NHSL3: variants seen among roughly 807,000 people sequenced by gnomAD.
NHSL3 encodes the protein NHS like 3.
chr1:32,747,397 A>T, the NHSL3 span, among the ~76,000 whole-genome samples: 155 of 149,960 alleles, frequency 1.0e-3, 1 homozygote, highest in East Asian at 0.028. Context: ...CTGGTCTCGA[A>T]CTCCTGACCT....
the NHSL3 span, among the ~76,000 whole-genome samples, chr1:32,754,542 A>G: frequency 6.6e-6 from 1 of 151,896 alleles, no homozygotes. Context: ...ACACAGCCAC[A>G]CGAACTACAC....
At chr1:32,772,190 G>A in the NHSL3 span, 24 of 1,613,174 alleles carry the variant, frequency 1.5e-5, no homozygotes, top group Non-Finnish European at 1.9e-5. Flanking sequence ...GCAGAACTCC[G>A]GAGCATCTCA....
the NHSL3 span, among the ~76,000 whole-genome samples, chr1:32,763,763 A>G: frequency 2.6e-5 from 4 of 151,990 alleles, no homozygotes; most frequent in Non-Finnish European, 4.4e-5. Flanking sequence ...TAGTAGAGAC[A>G]GGGTTTCACC....
At chr1:32,753,807 T>C in the NHSL3 span, among the ~76,000 whole-genome samples, 1 of 152,180 alleles carries the variant, frequency 6.6e-6, no homozygotes, top group African/African-American at 2.4e-5. Context: ...CCACCTGGAC[T>C]GGCCAGGCCT....
At chr1:32,747,645 C>T in the NHSL3 span, among the ~76,000 whole-genome samples, 1 of 152,064 alleles carries the variant, frequency 6.6e-6, no homozygotes. Context: ...ACACTGAGAC[C>T]CAGTGGCCTG....
At chr1:32,763,536 T>C in the NHSL3 span, among the ~76,000 whole-genome samples, 1 of 152,164 alleles carries the variant, frequency 6.6e-6, no homozygotes, top group Non-Finnish European at 1.5e-5. Context: ...AGTATTCAAG[T>C]GTCAGTTCCA....
chr1:32,772,073 C>A, the NHSL3 span: 39 of 1,612,536 alleles, frequency 2.4e-5, no homozygotes, highest in African/African-American at 4.9e-4. Context: ...CCTCCCCAGT[C>A]CCCTGCCTCA....
chr1:32,764,496 C>G, the NHSL3 span, among the ~76,000 whole-genome samples: 10 of 147,734 alleles, frequency 6.8e-5, no homozygotes, highest in Admixed American at 6.8e-4. Context: ...GAAATGGAGT[C>G]TTGCTCTGTC....
At chr1:32,772,446 A>G in the NHSL3 span, 2 of 1,519,176 alleles carry the variant, frequency 1.3e-6, no homozygotes, top group Non-Finnish European at 1.8e-6. Flanking sequence ...GCTCAGGTAC[A>G]GTGGGCAGTG....
chr1:32,748,186 G>T, the NHSL3 span, among the ~76,000 whole-genome samples: 1 of 152,192 alleles, frequency 6.6e-6, no homozygotes, highest in Non-Finnish European at 1.5e-5. Context: ...GGCTGAGGCA[G>T]GAGAATCACT....
the NHSL3 span, chr1:32,765,737 G>C: frequency 6.5e-7 from 1 of 1,546,724 alleles, no homozygotes; most frequent in Non-Finnish European, 8.7e-7. Flanking sequence ...AGGCAGGGTG[G>C]GATAGGGAAC....
the NHSL3 span, chr1:32,765,908 A>G: frequency 7.4e-7 from 1 of 1,354,832 alleles, no homozygotes; most frequent in Non-Finnish European, 1.0e-6. Flanking sequence ...TGAGGAATCA[A>G]GGCTGGGCAA....
chr1:32,765,963 C>A, the NHSL3 span: 1 of 834,118 alleles, frequency 1.2e-6, no homozygotes, highest in Non-Finnish European at 1.9e-6. Context: ...GCCAGAATCT[C>A]CCATCCGGCT....
the NHSL3 span, chr1:32,753,978 G>GCGCCCGCGGTGCC: frequency 2.5e-5 from 9 of 365,912 alleles, no homozygotes; most frequent in Non-Finnish European, 4.5e-5. Flanking sequence ...GGGGCTGGGG[G>GCGCCCGCGGTGCC]CGCCCGCGGT....
the NHSL3 span, among the ~76,000 whole-genome samples, chr1:32,759,686 C>T: frequency 6.6e-6 from 1 of 152,192 alleles, no homozygotes; most frequent in Admixed American, 6.5e-5. Context: ...AGGTGGGGTG[C>T]AGAGCCCCTA....
the NHSL3 span, among the ~76,000 whole-genome samples, chr1:32,747,178 T>C: frequency 6.7e-6 from 1 of 150,094 alleles, no homozygotes; most frequent in African/African-American, 2.5e-5. Context: ...CAAAGATGGT[T>C]TTTTTTTTGT....
chr1:32,762,953 G>A, the NHSL3 span, among the ~76,000 whole-genome samples: 2 of 151,276 alleles, frequency 1.3e-5, no homozygotes, highest in South Asian at 4.2e-4. Context: ...AGGATTACAG[G>A]TGTGAGCCAC....
chr1:32,774,389 C>G, the NHSL3 span: 1 of 152,372 alleles, frequency 6.6e-6, no homozygotes, highest in African/African-American at 2.4e-5. Context: ...CTCCTTGTAG[C>G]TAATCAATCA....
chr1:32,770,239 T>A, the NHSL3 span: 1 of 1,604,182 alleles, frequency 6.2e-7, no homozygotes, highest in Non-Finnish European at 8.5e-7. This position sits in a 1 kb window ranked among gnomAD's most constrained non-coding sequence, Gnocchi z 8.3. Context: ...CCTGTCGAAG[T>A]TGATTCCACA....
Sources: allele counts gnomAD v4.1 joint callset (sites outside exome capture counted in the v4.1 genomes callset), GRCh38; gene constraint gnomAD v4.1.1; non-coding constraint Gnocchi (gnomAD v3.1); transcripts MANE v1.5; gene names NCBI Gene and HGNC (gene_info 2026-07-23, HGNC 2026-07-21).